The following MYT1L variants were observed in gnomAD, a reference collection of about 807,000 sequenced individuals.
MYT1L encodes myelin transcription factor 1 like.
In MYT1L, 12 loss-of-function variants were observed where a neutral mutation model predicts 126.7. That is an observed-to-expected ratio of 0.09 (90% CI 0.06 to 0.15). MYT1L has a LOEUF of 0.15. Ranked by LOEUF, MYT1L falls within the 10% of genes least tolerant of loss-of-function variation. The pLI is 1.00. For missense variants in MYT1L, 979 were observed against 1,585.2 expected, an observed-to-expected ratio of 0.62 and a Z score of 6.49; for synonymous variants, 541 against 604.2, an observed-to-expected ratio of 0.90 and a Z score of 1.53.
At chr2:2,071,525 G>T (rs759759884) in intron 3 of MYT1L, among the ~76,000 whole-genome samples, 1 of 152,140 alleles carries the variant, frequency 6.6e-6, no homozygotes. Context: ...GGACGCCATG[G>T]GCTCACCTTG....
chr2:2,236,760 C>A (rs1395358496), intron 2 of MYT1L, among the ~76,000 whole-genome samples: 1 of 16,270 alleles, frequency 6.1e-5, no homozygotes, highest in Non-Finnish European at 1.5e-4. Flanking sequence ...GTTGTCCTTT[C>A]TTCTTCTTCT....
intron 4 of MYT1L, among the ~76,000 whole-genome samples, chr2:2,043,060 A>G (rs2150028042): frequency 6.6e-6 from 1 of 152,244 alleles, no homozygotes; most frequent in East Asian, 1.9e-4. Context: ...CTAAGACTCA[A>G]AGCGACACCC....
At chr2:1,794,591 C>G (rs2147815383) in intron 23 of MYT1L, among the ~76,000 whole-genome samples, 1 of 152,282 alleles carries the variant, frequency 6.6e-6, no homozygotes, top group South Asian at 2.1e-4. Flanking sequence ...TTGTCCCCAG[C>G]AAAATTCTTG....
chr2:2,175,123 G>A lies in MYT1L; in HGVS notation c.-420-2135C>T, dbSNP rs182479440. Among the ~76,000 whole-genome samples the A allele has an allele frequency of 2.0e-4, 31 of 152,118 alleles. 1 individual carries two copies. Among genetic ancestry groups the A allele is most frequent in the Admixed American group, 2.0e-3 (31 of 15,280 alleles). ...TGGTTTCGGGAATTATCATGCAAATGTCCTCTCTGAGAAGGGCCTCCACCG... is the reference window on the plus strand; with the variant it reads ...TGGTTTCGGGAATTATCATGCAAATATCCTCTCTGAGAAGGGCCTCCACCG... On this transcript the variant is annotated intron_variant, in intron 2 of 24. Transcript: ENST00000647738.
intron 21 of MYT1L, among the ~76,000 whole-genome samples, chr2:1,817,995 G>A (rs1448518904): frequency 6.6e-6 from 1 of 152,204 alleles, no homozygotes; most frequent in Non-Finnish European, 1.5e-5. Context: ...GGCCCCAGAC[G>A]TCTGGCACCA....
chr2:1,984,982 GTC>G (rs1188174972), intron 5 of MYT1L, among the ~76,000 whole-genome samples: 2 of 152,112 alleles, frequency 1.3e-5, no homozygotes, highest in Non-Finnish European at 2.9e-5. Flanking sequence ...CCTAACCCGA[GTC>G]TCTAGCCACA....
At chr2:1,971,819 G>C (rs1028667393) in intron 8 of MYT1L, among the ~76,000 whole-genome samples, 2 of 152,096 alleles carry the variant, frequency 1.3e-5, no homozygotes, top group Non-Finnish European at 2.9e-5. Context: ...CCTGAATTTT[G>C]TGTCTGCAAA....
intron 2 of MYT1L, among the ~76,000 whole-genome samples, chr2:2,233,083 C>T (rs901152312): frequency 6.6e-6 from 1 of 152,160 alleles, no homozygotes; most frequent in Non-Finnish European, 1.5e-5. Context: ...TAGGCATTCC[C>T]TGAAGGTAGC....
chr2:2,159,697 G>T (rs2087502339), intron 3 of MYT1L, among the ~76,000 whole-genome samples: 2 of 151,992 alleles, frequency 1.3e-5, no homozygotes. Context: ...GGACAGAAAG[G>T]CCATTAGCAA....
chr2:1,800,570 G>T (rs1461261777), intron 23 of MYT1L, among the ~76,000 whole-genome samples: 1 of 152,154 alleles, frequency 6.6e-6, no homozygotes, highest in Non-Finnish European at 1.5e-5. Flanking sequence ...CAGCCCCAGA[G>T]GATGTCTCCA....
chr2:2,266,248 C>A (rs189978784), intron 2 of MYT1L, among the ~76,000 whole-genome samples: 28 of 152,350 alleles, frequency 1.8e-4, no homozygotes, highest in Admixed American at 1.5e-3. Context: ...TAGCTAAGAT[C>A]TACCGGACTT....
At chr2:2,006,072 GTTCTTTCCTGCATGCC>G (rs1355780738) in intron 4 of MYT1L, among the ~76,000 whole-genome samples, 73 of 151,432 alleles carry the variant, frequency 4.8e-4, no homozygotes, top group African/African-American at 1.7e-3. Flanking sequence ...TCCTGCATGT[GTTCTTTCCTGCATGCC>G]TTCTTTCCTG....
chr2:2,127,697 T>C (rs965064759), intron 3 of MYT1L, among the ~76,000 whole-genome samples: 15 of 152,200 alleles, frequency 9.9e-5, no homozygotes, highest in African/African-American at 3.6e-4. Flanking sequence ...GCAGCTCTCA[T>C]GCAGTGCTCC....
intron 10 of MYT1L, among the ~76,000 whole-genome samples, chr2:1,919,196 G>A (rs899756070): frequency 3.3e-5 from 5 of 152,156 alleles, no homozygotes; most frequent in Admixed American, 2.6e-4. Context: ...AAAACAATGT[G>A]GCTCCAAAGC....
rs115923554 is a variant in MYT1L at position 2,096,866 on chromosome 2, G to A, written c.-303-42743C>T. Among the ~76,000 whole-genome samples the A allele has an allele frequency of 3.3e-3, 508 of 152,274 alleles. 4 individuals are homozygous for A. The highest frequency in any genetic ancestry group is 0.012 in the African/African-American group (494 of 41,562). The stretch of plus-strand genomic sequence containing the variant: ...TTCTTTTGAGAACCTTCTCCTTTTA[G>A]AGCCATTTGCCCCATCTTGCTTTGG... On this transcript the variant is annotated intron_variant, in intron 3 of 24. Coordinates refer to ENST00000647738, the MANE Select transcript of MYT1L (RefSeq NM_001303052.2).
At chr2:2,271,062 T>A (rs138225515) in intron 2 of MYT1L, among the ~76,000 whole-genome samples, 3 of 152,228 alleles carry the variant, frequency 2.0e-5, no homozygotes, top group Non-Finnish European at 2.9e-5. Flanking sequence ...CCCGTGTCTG[T>A]GTGTGTACAC....
intron 2 of MYT1L, among the ~76,000 whole-genome samples, chr2:2,192,562 A>G (rs1035568923): frequency 6.6e-6 from 1 of 152,082 alleles, no homozygotes; most frequent in Admixed American, 6.5e-5. Context: ...CAGTGGGTGG[A>G]TATCGTCACA....
At chr2:2,176,559 C>T (rs1340800962) in intron 2 of MYT1L, among the ~76,000 whole-genome samples, 1 of 150,242 alleles carries the variant, frequency 6.7e-6, no homozygotes, top group Non-Finnish European at 1.5e-5. Context: ...AGTGCAGTGG[C>T]ACGATCTTGG....
intron 8 of MYT1L, among the ~76,000 whole-genome samples, chr2:1,956,544 T>TC (rs1198326636): frequency 1.3e-5 from 2 of 149,238 alleles, no homozygotes; most frequent in African/African-American, 4.9e-5. Flanking sequence ...TATCTATCTA[T>TC]CTATCATCTA....
Sources: gnomAD v4.1 joint callset for allele counts (sites outside exome capture counted in the v4.1 genomes callset) on GRCh38, gnomAD v4.1.1 for gene constraint, MANE v1.5 for transcripts, NCBI Gene and HGNC (gene_info 2026-07-23, HGNC 2026-07-21) for gene names.